TMEM25: variants seen among roughly 807,000 people sequenced by gnomAD.
The protein encoded by TMEM25 is 0610039J01Rik.
TMEM25 carries 36 observed loss-of-function variants against 37.0 expected under a neutral mutation model. The ratio of observed to expected loss-of-function variants is 0.97; its 90% CI spans 0.75 to 1.28. The LOEUF (loss-of-function observed/expected upper bound fraction) is 1.28, where lower values mean the gene tolerates loss of function less well. TMEM25 is among the 50% of genes most tolerant of loss of function. TMEM25 has a pLI of 0.00. For missense variants in TMEM25, 444 were observed against 477.9 expected, an observed-to-expected ratio of 0.93 and a Z score of 0.66; for synonymous variants, 197 against 203.7, an observed-to-expected ratio of 0.97 and a Z score of 0.28.
chr11:118,539,004 A>G (rs914116624), downstream of TMEM25, among the ~76,000 whole-genome samples: 1 of 152,018 alleles, frequency 6.6e-6, no homozygotes, highest in African/African-American at 2.4e-5. Flanking sequence ...CTGGATATTA[A>G]TCCCCTGTTG....
downstream of TMEM25, among the ~76,000 whole-genome samples, chr11:118,538,837 A>C (rs1030742166): frequency 4.0e-5 from 6 of 150,486 alleles, no homozygotes; most frequent in Non-Finnish European, 5.9e-5. Context: ...GGTTGCAGTG[A>C]GCTGAGATCA....
In TMEM25 at chr11:118,534,149, C is replaced by T. The variant is rs1555061730; in HGVS notation, c.937+20C>T. Reference sequence around the variant, plus strand: ...CCAGAGGTATATCTAGGGCCCTGCTCTTTGCCCCTGCTTAATCTCCAGAAG... The same window carrying T: ...CCAGAGGTATATCTAGGGCCCTGCTTTTTGCCCCTGCTTAATCTCCAGAAG... On this transcript the variant is annotated intron_variant, in intron 7 of 8. Transcript: ENST00000313236. This position sits in a 1 kb window ranked among gnomAD's most constrained non-coding sequence, Gnocchi z 4.6. The T allele has an allele frequency of 2.5e-6, 4 of 1,613,624 alleles. No homozygotes were observed. The African/African-American group carries it at 4.0e-5, about 16-fold the overall frequency.
rs782796751 is a variant in TMEM25, at chr11:118,533,572, G to A, written c.805+21G>A. Reference sequence around the variant, plus strand: ...CAAAGGTAGGCCAGGGACACTGGGGGCAGTGTGGATGAGGTCAGGCTGAGC... The same window carrying A: ...CAAAGGTAGGCCAGGGACACTGGGGACAGTGTGGATGAGGTCAGGCTGAGC... On this transcript the variant is annotated intron_variant, in intron 5 of 8. Transcript: ENST00000313236. The A allele has an allele frequency of 8.7e-6, 14 of 1,613,512 alleles. 1 individual carries two copies. The highest frequency in any genetic ancestry group is 6.6e-5 in the South Asian group (6 of 90,900).
At chr11:118,546,153 G>C (rs1374010284) in exon 9 of TMEM25, 5 of 718,422 alleles carry the variant, frequency 7.0e-6, no homozygotes, top group Non-Finnish European at 1.3e-5. Context: ...CATAACAGAG[G>C]GAAGACCATG....
chr11:118,534,549 C>T lies in TMEM25; in HGVS notation c.1070C>T (p.Ser357Phe), dbSNP rs1951451456. The change falls in exon 9 of 9, where the codon TCC (serine) becomes TTC (phenylalanine). Residue 357 changes from serine to phenylalanine, a missense_variant. Physicochemically the swap from Ser to Phe is radical, Grantham distance 155. Transcript: ENST00000313236. This position sits in a 1 kb window ranked among gnomAD's most constrained non-coding sequence, Gnocchi z 4.6. The stretch of plus-strand genomic sequence containing the variant: ...GTGCTGGGCTATATCTATCGAGTGT[C>T]CAGCGTGAGCAGTGATGAGATCTGG... ...LPVLGYIYRV[S>F]SVSSDEIWL 2 of 1,614,210 alleles carry T rather than the reference C, an allele frequency of 1.2e-6. No individual in the cohort carries two copies.
At chr11:118,533,807 A>T (rs782357991) in intron 5 of TMEM25, 50 bp from the exon 6 acceptor site, 4 of 1,613,212 alleles carry the variant, frequency 2.5e-6, no homozygotes, top group Non-Finnish European at 3.4e-6. Context: ...AGGACAGCCC[A>T]GCGTGGGAGG....
rs2135401196 is a variant in TMEM25 at position 118,534,135 on chromosome 11, T to C, written c.937+6T>C. ...CCTCACTCCAGATTCCAGAGGTATA[T>C]CTAGGGCCCTGCTCTTTGCCCCTGC... is the stretch of plus-strand genomic sequence containing the variant. On this transcript the variant is annotated splice_donor_region_variant and intron_variant, in intron 7 of 8. Transcript: ENST00000313236. The surrounding 1 kb of genome is among the most constrained non-coding windows in gnomAD (Gnocchi z 4.6). The C allele has an allele frequency of 6.2e-7, 1 of 1,614,012 alleles. No individual in the cohort carries two copies. The highest frequency in any genetic ancestry group is 2.2e-5 in the East Asian group (1 of 44,878).
chr11:118,541,278 C>T (rs1472816527), intron 8 of TMEM25, among the ~76,000 whole-genome samples: 1 of 151,890 alleles, frequency 6.6e-6, no homozygotes, highest in Non-Finnish European at 1.5e-5. Context: ...CTGGCCAACA[C>T]AGTGAAACCC....
Position 118,533,009 on chromosome 11 carries a change from C to A in TMEM25, c.475C>A (p.Pro159Thr). ...CCTGTTTGCCCTGGTGCGTGCCAAC[C>A]CGCCGGCCAATGTCACCTGGATCGA... Reference protein sequence around the residue: ...VVLFALVRANPPANVTWIDQD... With the variant: ...VVLFALVRANTPANVTWIDQD... Residue 159 changes from proline (P) to threonine (T), a missense_variant, in exon 4 of 9, where the codon CCG becomes ACG. Physicochemically the swap from Pro to Thr is conservative, Grantham distance 38. Coordinates refer to ENST00000313236, the MANE Select transcript of TMEM25 (RefSeq NM_032780.4). 1.2e-6 allele frequency: 2 copies of A among 1,614,256 alleles called. No homozygotes were observed. The highest frequency in any genetic ancestry group is 1.7e-6 in the Non-Finnish European group (2 of 1,180,046).
In TMEM25 at chr11:118,534,307, C is replaced by T. The variant is rs782820678; in HGVS notation, c.979C>T (p.Arg327Trp). The T allele has an allele frequency of 2.8e-5, 45 of 1,614,032 alleles. No individual in the cohort carries two copies. The highest frequency in any genetic ancestry group is 4.5e-5 in the East Asian group (2 of 44,892). Residue 327 changes from arginine (R) to tryptophan (W), a missense_variant, in exon 8 of 9, where the codon CGG becomes TGG. Transcript: ENST00000313236. This position sits in a 1 kb window ranked among gnomAD's most constrained non-coding sequence, Gnocchi z 4.6. ...ADRQMAQNNS[R>W]PELLDPEPGG... ...CCGGCAGATGGCTCAGAACAACAGC[C>T]GGCCAGAGCTTCTGGACCCGGAGCC...
At chr11:118,541,331 G>A (rs1445728782) in intron 8 of TMEM25, among the ~76,000 whole-genome samples, 3 of 151,764 alleles carry the variant, frequency 2.0e-5, no homozygotes, top group African/African-American at 4.8e-5. Flanking sequence ...GTGTGGTGGT[G>A]GGCACCTGTA....
chr11:118,546,291 A>G (rs1437174188), exon 9 of TMEM25: 7 of 640,094 alleles, frequency 1.1e-5, no homozygotes, highest in Non-Finnish European at 2.0e-5. Context: ...TGAGCCTAGG[A>G]GTTCGAGACC....
chr11:118,546,354 G>C lies in TMEM25; in HGVS notation c.*207G>C, dbSNP rs1050763243. On this transcript the variant is annotated 3_prime_UTR_variant, in exon 9 of 9. Coordinates refer to the TMEM25 transcript ENST00000354284. ...CTCTACAAAAAAATTAGCCGGGTGT[G>C]GTGTTGAGTATCTGTAGTCCCAGCT... is the stretch of plus-strand genomic sequence containing the variant. The C allele has an allele frequency of 7.1e-6, 4 of 562,126 alleles. No individual in the cohort carries two copies. The South Asian group carries it at 8.2e-5, about 12-fold the overall frequency. The allele number at this position is 562,126 out of a possible 1,614,324, so 34.8% of individuals were successfully genotyped here. A position where few individuals can be genotyped will look rare whatever the true frequency, so the allele number is the denominator to read the frequency against.
rs1234593598 is a variant in TMEM25, at chr11:118,531,967, C to G, written c.70+96C>G. On this transcript the variant is annotated intron_variant, in intron 2 of 8. Coordinates refer to ENST00000313236, the MANE Select transcript of TMEM25 (RefSeq NM_032780.4). ...TCTGTTTGGGTACCCACTCCAGGCC[C>G]CAAGCCCTGGAGTCCCTGTCCCCTT... 6 of 1,446,378 alleles carry G rather than the reference C, an allele frequency of 4.1e-6. No individual in the cohort carries two copies. In the African/African-American group the frequency reaches 8.5e-5, roughly 20 times the overall value. 89.6% of individuals were successfully genotyped at this position (1,446,378 alleles called of 1,614,324 possible). A position where few individuals can be genotyped will look rare whatever the true frequency, so the allele number is the denominator to read the frequency against.
At chr11:118,535,883 T>C (rs1951500912), downstream of TMEM25, 8 of 1,054,336 alleles carry the variant, frequency 7.6e-6, no homozygotes, top group African/African-American at 1.7e-5. Flanking sequence ...TTTTGTTTTA[T>C]TTTGTTTCGT....
chr11:118,537,351 A>T (rs1448249701), downstream of TMEM25, among the ~76,000 whole-genome samples: 1 of 152,032 alleles, frequency 6.6e-6, no homozygotes, highest in Non-Finnish European at 1.5e-5. Context: ...AAAAAAAAAA[A>T]TTCGTAGAGA....
In TMEM25 at chr11:118,534,386, C is replaced by T; in HGVS notation, c.1027+31C>T. ...GGGGAAGGGGCCTGCCACCCTCCTC[C>T]TCTGCCCCCCAGCCCTGTGCTTATG... On this transcript the variant is annotated intron_variant, in intron 8 of 8. Transcript: ENST00000313236. This position sits in a 1 kb window ranked among gnomAD's most constrained non-coding sequence, Gnocchi z 4.6. The T allele has an allele frequency of 6.2e-7, 1 of 1,612,172 alleles. No individual in the cohort carries two copies. Among genetic ancestry groups the T allele is most frequent in the Non-Finnish European group, 8.5e-7 (1 of 1,179,218 alleles).
exon 9 of TMEM25, chr11:118,546,354 G>T (rs1050763243): frequency 3.6e-6 from 2 of 562,008 alleles, no homozygotes; most frequent in Non-Finnish European, 6.5e-6. Flanking sequence ...AGCCGGGTGT[G>T]GTGTTGAGTA....
intron 8 of TMEM25, among the ~76,000 whole-genome samples, chr11:118,542,939 A>C (rs1207195809): frequency 1.3e-5 from 2 of 150,258 alleles, no homozygotes; most frequent in Non-Finnish European, 3.0e-5. Context: ...CAAAACAAAA[A>C]ACCAAAAATT....
Sources: allele counts gnomAD v4.1 joint callset (sites outside exome capture counted in the v4.1 genomes callset), GRCh38; gene constraint gnomAD v4.1.1; non-coding constraint Gnocchi (gnomAD v3.1); transcripts MANE v1.5; gene names NCBI Gene and HGNC (gene_info 2026-07-23, HGNC 2026-07-21).